Variants in MBD2 observed in about 807,000 individuals in gnomAD.
MBD2 encodes the protein methyl-CpG-binding domain protein 2.
A neutral mutation model predicts 39.3 loss-of-function variants in MBD2; 9 were observed. The observed-to-expected ratio is 0.23, with a 90% confidence interval of 0.14 to 0.40. The LOEUF (loss-of-function observed/expected upper bound fraction) is 0.40. Ranked by LOEUF, MBD2 falls within the 10% of genes least tolerant of loss-of-function variation. The pLI is 1.00. For synonymous variants in MBD2, 233 were observed against 211.1 expected, an observed-to-expected ratio of 1.10 and a Z score of -0.90; for missense variants, 458 against 532.6, an observed-to-expected ratio of 0.86 and a Z score of 1.38.
At chr18:54,200,530 CAATTT>C (rs1387469066) in intron 2 of MBD2, among the ~76,000 whole-genome samples, 2 of 152,160 alleles carry the variant, frequency 1.3e-5, no homozygotes, top group Non-Finnish European at 2.9e-5. Context: ...GTCTCCAATT[CAATTT>C]TAGTATCATC....
At chr18:54,173,613 T>C (rs1330325446) in intron 3 of MBD2, among the ~76,000 whole-genome samples, 1 of 152,194 alleles carries the variant, frequency 6.6e-6, no homozygotes, top group Non-Finnish European at 1.5e-5. Context: ...ATCTATGCAA[T>C]ACAATCTATG....
intron 5 of MBD2, among the ~76,000 whole-genome samples, chr18:54,162,585 C>T (rs1145315): frequency 0.41 from 61,695 of 151,986 alleles, 12,837 homozygotes; most frequent in East Asian, 0.57. Context: ...GTTGAAGCCA[C>T]CAACATTCCT....
At chr18:54,210,468 C>T (rs2086493786) in intron 1 of MBD2, among the ~76,000 whole-genome samples, 1 of 152,148 alleles carries the variant, frequency 6.6e-6, no homozygotes, top group South Asian at 2.1e-4. Context: ...TCCAGAAGAC[C>T]TGCTGCCTGC....
In MBD2 at chr18:54,211,435, G is replaced by A. The variant is rs138673616; in HGVS notation, c.543-6278C>T. Among the ~76,000 whole-genome samples the A allele has an allele frequency of 2.5e-3, 367 of 147,608 alleles. 1 individual carries two copies. The highest frequency in any genetic ancestry group is 8.1e-3 in the African/African-American group (326 of 40,384). ...CACACGCACACACGCAAGCACGCAC[G>A]AGAAAAATCTACCTAAGTCAGCTCC... is the stretch of plus-strand genomic sequence containing the variant. On this transcript the variant is annotated intron_variant, in intron 1 of 6. Transcript: ENST00000256429.
intron 3 of MBD2, among the ~76,000 whole-genome samples, chr18:54,172,882 G>A (rs2086187870): frequency 6.6e-6 from 1 of 152,124 alleles, no homozygotes; most frequent in African/African-American, 2.4e-5. Flanking sequence ...AATCTCAAAG[G>A]GTTATGGGAA....
chr18:54,183,778 T>C (rs1339453451), intron 3 of MBD2, among the ~76,000 whole-genome samples: 2 of 152,188 alleles, frequency 1.3e-5, no homozygotes, highest in Non-Finnish European at 2.9e-5. Context: ...GATAATTTTT[T>C]TTAAGATGGG....
chr18:54,221,394 C>G (rs1284491212), intron 1 of MBD2, among the ~76,000 whole-genome samples: 1 of 150,370 alleles, frequency 6.7e-6, no homozygotes, highest in African/African-American at 2.5e-5. Flanking sequence ...GGAGGCAGGG[C>G]TTGTAGTGAG....
At chr18:54,187,610 G>A in intron 3 of MBD2, 1 of 833,926 alleles carries the variant, frequency 1.2e-6, no homozygotes, top group African/African-American at 1.8e-5. Flanking sequence ...GAAGGGAAAA[G>A]CCTCACACAG....
At chr18:54,210,225 T>C (rs1007496415) in intron 1 of MBD2, among the ~76,000 whole-genome samples, 1 of 152,006 alleles carries the variant, frequency 6.6e-6, no homozygotes, top group Non-Finnish European at 1.5e-5. Context: ...ACTAATTAAA[T>C]GAAAATCAAA....
chr18:54,214,504 A>G (rs1203187781), intron 1 of MBD2, among the ~76,000 whole-genome samples: 1 of 151,956 alleles, frequency 6.6e-6, no homozygotes, highest in Non-Finnish European at 1.5e-5. Flanking sequence ...TGACCTATGC[A>G]TAATATTTTT....
At chr18:54,193,707 C>T (rs2086341405) in intron 2 of MBD2, among the ~76,000 whole-genome samples, 2 of 151,964 alleles carry the variant, frequency 1.3e-5, no homozygotes, top group Admixed American at 1.3e-4. Flanking sequence ...GATACTAGAG[C>T]TAAGCATCAA....
intron 1 of MBD2, among the ~76,000 whole-genome samples, chr18:54,210,727 A>G (rs963592695): frequency 6.6e-6 from 1 of 152,202 alleles, no homozygotes; most frequent in Non-Finnish European, 1.5e-5. Context: ...CTAGATAGCT[A>G]AACAGCATGT....
chr18:54,160,552 C>A (rs2086088916), intron 5 of MBD2, among the ~76,000 whole-genome samples: 1 of 150,254 alleles, frequency 6.7e-6, no homozygotes, highest in Non-Finnish European at 1.5e-5. Context: ...ACAAAGGAAC[C>A]TCAAAAGTGA....
intron 3 of MBD2, among the ~76,000 whole-genome samples, chr18:54,169,909 T>G (rs963014462): frequency 6.6e-6 from 1 of 152,238 alleles, no homozygotes; most frequent in Admixed American, 6.5e-5. Flanking sequence ...AATATCTTGT[T>G]CTCTTTGTTA....
At chr18:54,217,415 T>C (rs1457753154) in intron 1 of MBD2, among the ~76,000 whole-genome samples, 1 of 152,192 alleles carries the variant, frequency 6.6e-6, no homozygotes, top group Non-Finnish European at 1.5e-5. Flanking sequence ...AAACACCATA[T>C]TACAAAATTT....
intron 1 of MBD2, among the ~76,000 whole-genome samples, chr18:54,206,182 T>C (rs933380649): frequency 5.3e-5 from 8 of 152,214 alleles, no homozygotes; most frequent in Admixed American, 2.0e-4. Context: ...TAGGGAAGCA[T>C]ATGAAGAATA....
intron 5 of MBD2, among the ~76,000 whole-genome samples, chr18:54,161,950 T>A (rs907814012): frequency 6.6e-6 from 1 of 152,028 alleles, no homozygotes; most frequent in African/African-American, 2.4e-5. Flanking sequence ...GACAGAAGCA[T>A]AAAGGGGCAC....
chr18:54,169,320 T>C (rs1191363428), intron 3 of MBD2, among the ~76,000 whole-genome samples: 2 of 151,404 alleles, frequency 1.3e-5, no homozygotes, highest in African/African-American at 4.9e-5. Flanking sequence ...CTAGCCAACT[T>C]GCACTAAACG....
At chr18:54,211,958 C>T (rs1412640287) in intron 1 of MBD2, among the ~76,000 whole-genome samples, 5 of 151,892 alleles carry the variant, frequency 3.3e-5, no homozygotes, top group African/African-American at 7.3e-5. Context: ...TGCCTTCAAG[C>T]GATTCTCCTG....
Sources: allele counts gnomAD v4.1 joint callset (sites outside exome capture counted in the v4.1 genomes callset), GRCh38; gene constraint gnomAD v4.1.1; transcripts MANE v1.5; gene names NCBI Gene and HGNC (gene_info 2026-07-23, HGNC 2026-07-21).